The following PRIM2 variants were observed in gnomAD, a reference collection of about 807,000 sequenced individuals.
PRIM2 encodes the protein DNA primase subunit 2.
A neutral mutation model predicts 67.3 loss-of-function variants in PRIM2; 39 were observed. The ratio of observed to expected loss-of-function variants is 0.58; its 90% confidence interval spans 0.45 to 0.76. The LOEUF (loss-of-function observed/expected upper bound fraction) is 0.76, where lower values mean the gene tolerates loss of function less well. Ranked by LOEUF, PRIM2 falls within the 30% of genes least tolerant of loss-of-function variation. The pLI is 0.00. For missense variants in PRIM2, 398 were observed against 598.7 expected, an observed-to-expected ratio of 0.66 and a Z score of 3.50; for synonymous variants, 143 against 198.7, an observed-to-expected ratio of 0.72 and a Z score of 2.36.
At chr6:57,433,261 T>A (rs1266919666) in intron 7 of PRIM2, among the ~76,000 whole-genome samples, 1 of 152,138 alleles carries the variant, frequency 6.6e-6, no homozygotes, top group Admixed American at 6.5e-5. Flanking sequence ...TATTATACTT[T>A]AAGTTTTAGG....
At chr6:57,605,089 G>T (rs1459621296) in intron 11 of PRIM2, among the ~76,000 whole-genome samples, 1 of 152,202 alleles carries the variant, frequency 6.6e-6, no homozygotes, top group Non-Finnish European at 1.5e-5. Flanking sequence ...ATTTGCATAT[G>T]TTGAGTCAGA....
the PRIM2 span, among the ~76,000 whole-genome samples, chr6:57,308,941 T>TA: frequency 6.6e-6 from 1 of 151,798 alleles, no homozygotes; most frequent in Non-Finnish European, 1.5e-5. Context: ...TTTGTTTATT[T>TA]TTTTTTTTAG....
intron 12 of PRIM2, among the ~76,000 whole-genome samples, chr6:57,608,975 G>T (rs1776616894): frequency 6.6e-6 from 1 of 152,168 alleles, no homozygotes. Flanking sequence ...TGTTACACTT[G>T]ATTGTAATTA....
the PRIM2 span, among the ~76,000 whole-genome samples, chr6:57,276,298 G>C: frequency 2.6e-5 from 4 of 152,116 alleles, no homozygotes; most frequent in African/African-American, 9.7e-5. Context: ...GCGGAGGCAT[G>C]AGAATTGTGT....
At chr6:57,456,571 A>T (rs1772789217) in intron 7 of PRIM2, among the ~76,000 whole-genome samples, 1 of 152,020 alleles carries the variant, frequency 6.6e-6, no homozygotes, top group African/African-American at 2.4e-5. Flanking sequence ...CTTCCAGTTG[A>T]TCGAATCGGC....
intron 5 of PRIM2, among the ~76,000 whole-genome samples, chr6:57,372,398 T>C (rs1769594017): frequency 1.3e-5 from 2 of 152,184 alleles, no homozygotes; most frequent in African/African-American, 2.4e-5. Flanking sequence ...ATCCAGCTTA[T>C]AGGGTTATTA....
chr6:57,477,244 C>T (rs1221795587), intron 7 of PRIM2, among the ~76,000 whole-genome samples: 1 of 152,190 alleles, frequency 6.6e-6, no homozygotes, highest in Non-Finnish European at 1.5e-5. Flanking sequence ...CCTCCCACCT[C>T]AGCCCCCTAA....
At chr6:57,642,433 A>ATTTTTTTTTT (rs1777256008) in intron 13 of PRIM2, among the ~76,000 whole-genome samples, 4 of 107,058 alleles carry the variant, frequency 3.7e-5, no homozygotes, top group Non-Finnish European at 7.4e-5. Flanking sequence ...TAAATATTAT[A>ATTTTTTTTTT]TCTTTTTTTT....
At chr6:57,399,569 C>T (rs1770637482) in intron 7 of PRIM2, among the ~76,000 whole-genome samples, 1 of 152,144 alleles carries the variant, frequency 6.6e-6, no homozygotes, top group Admixed American at 6.5e-5. Context: ...AATGGGATTG[C>T]TGGGTCAAAT....
chr6:57,383,107 C>G (rs1287912487), intron 7 of PRIM2: 1 of 152,096 alleles, frequency 6.6e-6, no homozygotes, highest in Non-Finnish European at 1.5e-5. Context: ...CCTGTTATTT[C>G]TTTATCCTCA....
the PRIM2 span, among the ~76,000 whole-genome samples, chr6:57,300,391 C>A: frequency 6.6e-6 from 1 of 152,240 alleles, no homozygotes; most frequent in African/African-American, 2.4e-5. Context: ...TCTGAGTGGG[C>A]AAGGATACTT....
intron 7 of PRIM2, among the ~76,000 whole-genome samples, chr6:57,479,848 G>A (rs1168057120): frequency 2.0e-5 from 3 of 152,190 alleles, no homozygotes; most frequent in Non-Finnish European, 4.4e-5. Context: ...CACCAGCCGC[G>A]TGGTAGGCAA....
chr6:57,415,082 A>T (rs1771215213), intron 7 of PRIM2, among the ~76,000 whole-genome samples: 1 of 152,170 alleles, frequency 6.6e-6, no homozygotes, highest in East Asian at 1.9e-4. Context: ...CTTCTACTTG[A>T]CATGAACAAA....
At chr6:57,527,683 T>C (rs1774788756) in intron 8 of PRIM2, among the ~76,000 whole-genome samples, 1 of 152,330 alleles carries the variant, frequency 6.6e-6, no homozygotes, top group South Asian at 2.1e-4. Context: ...CTTCTCACCA[T>C]CTGCCTTTCT....
At chr6:57,235,760 G>A in the PRIM2 span, among the ~76,000 whole-genome samples, 6 of 152,130 alleles carry the variant, frequency 3.9e-5, no homozygotes, top group Admixed American at 2.6e-4. Context: ...TTTATAAGAG[G>A]GAAGCAAGAG....
chr6:57,616,388 T>C (rs1776758464), intron 12 of PRIM2, among the ~76,000 whole-genome samples: 1 of 152,118 alleles, frequency 6.6e-6, no homozygotes, highest in African/African-American at 2.4e-5. Context: ...TGCCTGACAG[T>C]GAAGCTGAAG....
intron 8 of PRIM2, among the ~76,000 whole-genome samples, chr6:57,508,485 C>G (rs1554347414): frequency 6.6e-6 from 1 of 152,042 alleles, no homozygotes; most frequent in African/African-American, 2.4e-5. Context: ...TAAAATAATG[C>G]TATATGTTAA....
chr6:57,511,001 A>C (rs1308254780), intron 8 of PRIM2, among the ~76,000 whole-genome samples: 31 of 152,202 alleles, frequency 2.0e-4, no homozygotes, highest in Non-Finnish European at 4.4e-5. Context: ...AATTTTGTTT[A>C]TTGCCTCTAA....
At chr6:57,457,832 CG>C (rs1378805596) in intron 7 of PRIM2, among the ~76,000 whole-genome samples, 1 of 152,274 alleles carries the variant, frequency 6.6e-6, no homozygotes, top group East Asian at 1.9e-4. Flanking sequence ...GAGATGAACC[CG>C]GTACCTCGGT....
Sources: gnomAD v4.1 joint callset for allele counts (sites outside exome capture counted in the v4.1 genomes callset) on GRCh38, gnomAD v4.1.1 for gene constraint, MANE v1.5 for transcripts, NCBI Gene and HGNC (gene_info 2026-07-23, HGNC 2026-07-21) for gene names.